The following OVGP1 variants were observed in gnomAD, a reference collection of about 807,000 sequenced individuals.
OVGP1 encodes the protein oviductal glycoprotein 1.
In OVGP1, 26 loss-of-function variants were observed where a neutral mutation model predicts 48.2. That is an observed-to-expected ratio of 0.54 (90% CI 0.40 to 0.75). The LOEUF (loss-of-function observed/expected upper bound fraction) is 0.75. Among genes scored for constraint, OVGP1 ranks in the 30% least tolerant of loss-of-function variants. OVGP1 has a pLI of 0.00. For synonymous variants in OVGP1, 294 were observed against 305.7 expected (o/e 0.96, Z 0.40); for missense variants, 791 against 820.6 (o/e 0.96, Z 0.44).
intron 9 of OVGP1, among the ~76,000 whole-genome samples, chr1:111,418,847 C>A (rs188507057): frequency 1.4e-4 from 22 of 152,266 alleles, no homozygotes; most frequent in Admixed American, 6.5e-5. Context: ...CTACATGTAT[C>A]CAGTCTCTCA....
chr1:111,419,969 G>A (rs998943134), intron 8 of OVGP1, among the ~76,000 whole-genome samples: 3 of 152,180 alleles, frequency 2.0e-5, no homozygotes, highest in African/African-American at 7.2e-5. Flanking sequence ...ACCAAAGAGT[G>A]GATGACATCC....
chr1:111,419,634 G>T lies in OVGP1; in HGVS notation c.996C>A (p.Asp332Glu), dbSNP rs17027633. 91,836 of 1,608,238 alleles carry T rather than the reference G, an allele frequency of 0.057. 3,755 individuals are homozygous for T. Among genetic ancestry groups the T allele is most frequent in the East Asian group, 0.19 (8,561 of 44,786 alleles). ...CCTTGTAACTGAAGCTGATGGCATT[G>T]TCATAGCCAACCCACTCTTTCCCCT... Reference protein sequence around the residue: ...ANKGKEWVGYDNAISFSYKAW... With the variant: ...ANKGKEWVGYENAISFSYKAW... The change falls in exon 9 of 11, where the codon GAC (aspartate) becomes GAA (glutamate). Residue 332 changes from aspartate to glutamate, a missense_variant. Physicochemically the swap from Asp to Glu is conservative, Grantham distance 45. Transcript: ENST00000369732.
chr1:111,417,491 C>T (rs186064260), intron 9 of OVGP1, among the ~76,000 whole-genome samples: 5 of 152,314 alleles, frequency 3.3e-5, no homozygotes, highest in Admixed American at 3.3e-4. Flanking sequence ...TGGCTCCTTT[C>T]AGGAGTTGAC....
intron 4 of OVGP1, among the ~76,000 whole-genome samples, chr1:111,425,042 T>C (rs1415493802): frequency 1.3e-5 from 2 of 152,206 alleles, no homozygotes; most frequent in Non-Finnish European, 2.9e-5. Flanking sequence ...ACCTGTGAGG[T>C]TTGGGAGTTA....
In OVGP1 at chr1:111,414,626, G is replaced by A. The variant is rs779528331; in HGVS notation, c.1875C>T (p.Ser625=). ...EAENRMMLSS[S]PVIQLPEQTP... ...TTTGTTCCGGGAGCTGGATGACGGG[G>A]CTGGAGGACAGCATCATCCTGTTTT... The change falls in exon 11 of 11, where the codon AGC becomes AGT. Residue 625 remains serine (S), a synonymous_variant. Transcript: ENST00000369732. 1.7e-5 allele frequency: 28 copies of A among 1,614,086 alleles called. No homozygotes were observed. In the African/African-American group the frequency reaches 3.7e-4, roughly 22 times the overall value.
chr1:111,423,659 AAG>A lies in OVGP1; in HGVS notation c.365_366del (p.Ala122ValfsTer10). On this transcript the variant is annotated frameshift_variant, in exon 5 of 11. Transcript: ENST00000369732. LOFTEE classifies it high-confidence loss of function. ...STFANREKFIASVISLLRTHD... is the reference protein window; with the variant it reads ...STFANREKFIXSVISLLRTHD... Reference sequence around the variant, plus strand: ...TGTGTCCTCAGAAGGGATATAACTGAAGCAATAAACTTTTCACGGTTGGCAAA... The same window carrying A: ...TGTGTCCTCAGAAGGGATATAACTGACAATAAACTTTTCACGGTTGGCAAA... 1 of 1,614,172 alleles carries A rather than the reference AAG, an allele frequency of 6.2e-7. No homozygotes were observed. Among genetic ancestry groups the A allele is most frequent in the South Asian group, 1.1e-5 (1 of 91,084 alleles).
At chr1:111,419,337 G>A (rs765684401) in intron 9 of OVGP1, among the ~76,000 whole-genome samples, 3 of 152,178 alleles carry the variant, frequency 2.0e-5, no homozygotes, top group Non-Finnish European at 4.4e-5. Flanking sequence ...TGGAAAGGAA[G>A]AGACCAAAAA....
intron 9 of OVGP1, chr1:111,416,683 G>A: frequency 2.5e-6 from 1 of 402,076 alleles, no homozygotes; most frequent in Middle Eastern, 5.4e-4. Flanking sequence ...AAAAAAAGAG[G>A]ATAATAACAT....
intron 3 of OVGP1, 88 bp downstream of exon 3, chr1:111,426,349 G>T (rs1019597117): frequency 1.1e-5 from 17 of 1,580,548 alleles, no homozygotes; most frequent in Non-Finnish European, 1.5e-5. Context: ...AGAAATAGAA[G>T]AAAGTTGAAG....
chr1:111,423,075 CAG>C (rs1557784209), intron 5 of OVGP1, 24 bp from the exon 6 acceptor site: 1 of 1,613,622 alleles, frequency 6.2e-7, no homozygotes, highest in South Asian at 1.1e-5. Context: ...CAGAAAGACA[CAG>C]AGAACTGGAC....
intron 4 of OVGP1, among the ~76,000 whole-genome samples, chr1:111,423,940 GCCC>G (rs1652336307): frequency 6.6e-6 from 1 of 152,208 alleles, no homozygotes; most frequent in African/African-American, 2.4e-5. Flanking sequence ...ACCATGTACT[GCCC>G]CAAGGCCAGA....
intron 3 of OVGP1, 33 bp from the exon 4 acceptor site, chr1:111,425,472 G>A: frequency 5.0e-6 from 8 of 1,613,762 alleles, no homozygotes; most frequent in Non-Finnish European, 6.8e-6. Flanking sequence ...GATGAGCTGG[G>A]TTCTTCACTC....
intron 1 of OVGP1, 122 bp from the exon 2 acceptor site, chr1:111,427,213 A>C: frequency 1.3e-6 from 2 of 1,548,682 alleles, no homozygotes; most frequent in Non-Finnish European, 1.7e-6. Flanking sequence ...AGATGCAGAC[A>C]CACAAATGGG....
In OVGP1 at chr1:111,421,308, T is replaced by C; in HGVS notation, c.871A>G (p.Thr291Ala). ...AIGPASPGKY[T>A]KQEGFLAYFE... ...TAAGCCAAGAAGCCTTCTTGCTTGGTGTACTTCCCTGGAGATGCTGGTCCG... is the reference window on the plus strand; with the variant it reads ...TAAGCCAAGAAGCCTTCTTGCTTGGCGTACTTCCCTGGAGATGCTGGTCCG... The change falls in exon 8 of 11, where the codon ACC becomes GCC. Residue 291 changes from threonine (T) to alanine (A), a missense_variant. By Grantham distance (58) the Thr-to-Ala change is moderately conservative. Transcript: ENST00000369732. 6.2e-7 allele frequency: 1 copy of C among 1,612,092 alleles called. No individual in the cohort carries two copies. The highest frequency in any genetic ancestry group is 8.5e-7 in the Non-Finnish European group (1 of 1,179,290).
intron 10 of OVGP1, among the ~76,000 whole-genome samples, chr1:111,416,000 G>C (rs1050672802): frequency 6.6e-6 from 1 of 152,218 alleles, no homozygotes; most frequent in East Asian, 1.9e-4. Flanking sequence ...CCTTGCCCAT[G>C]AGAGTAAGAG....
chr1:111,423,088 A>T, intron 5 of OVGP1, 37 bp from the exon 6 acceptor site: 1 of 1,612,514 alleles, frequency 6.2e-7, no homozygotes, highest in Non-Finnish European at 8.5e-7. Flanking sequence ...AGAACTGGAC[A>T]AACAGAGAGG....
chr1:111,423,755 A>G, intron 4 of OVGP1, 47 bp from the exon 5 acceptor site: 1 of 1,571,346 alleles, frequency 6.4e-7, no homozygotes, highest in Non-Finnish European at 8.7e-7. Flanking sequence ...CCACAGAATC[A>G]CAACCTCCTA....
chr1:111,422,825 C>T (rs932792983), intron 6 of OVGP1, 102 bp downstream of exon 6: 26 of 1,396,496 alleles, frequency 1.9e-5, no homozygotes, highest in African/African-American at 2.8e-5. Context: ...AGGGCAGGCA[C>T]ACGGTGAGCT....
In OVGP1 at chr1:111,419,595, G is replaced by C; in HGVS notation, c.1020+15C>G. ...GGAAACCATGTGCTGGAGCATGAAA[G>C]AGCCAGGGTCTCACCTTGTAACTGA... On this transcript the variant is annotated intron_variant, in intron 9 of 10. Transcript: ENST00000369732. 6.8e-7 allele frequency: 1 copy of C among 1,461,542 alleles called. No individual in the cohort carries two copies. The highest frequency in any genetic ancestry group is 1.4e-5 in the African/African-American group (1 of 72,246). The allele number at this position is 1,461,542 out of a possible 1,614,324, so 90.5% of individuals were successfully genotyped here. A position where few individuals can be genotyped will look rare whatever the true frequency, so the allele number is the denominator to read the frequency against.
Sources: gnomAD v4.1 joint callset for allele counts (sites outside exome capture counted in the v4.1 genomes callset) on GRCh38, gnomAD v4.1.1 for gene constraint, MANE v1.5 for transcripts, NCBI Gene and HGNC (gene_info 2026-07-23, HGNC 2026-07-21) for gene names.